Variants in CBLIF observed in about 807,000 individuals in gnomAD.
CBLIF encodes gastric intrinsic factor (vitamin B synthesis).
A neutral mutation model predicts 44.9 loss-of-function variants in CBLIF; 24 were observed. That is an observed-to-expected ratio of 0.53 (90% CI 0.39 to 0.75). The LOEUF (loss-of-function observed/expected upper bound fraction) is 0.75, where lower values mean the gene tolerates loss of function less well. Among genes scored for constraint, CBLIF ranks in the 30% least tolerant of loss-of-function variants. CBLIF has a pLI of 0.00. For missense variants in CBLIF, 481 were observed against 513.0 expected, an observed-to-expected ratio of 0.94 and a Z score of 0.60; for synonymous variants, 183 against 190.9, an observed-to-expected ratio of 0.96 and a Z score of 0.34.
rs1866577248 is a variant in CBLIF, at chr11:59,844,152, T to C, written c.80-97A>G. ...TGATGCTTTTTCTTTCTTTCTTTTT[T>C]TTTTGAGACAGTGTTACTCTTGTTG... On this transcript the variant is annotated intron_variant, in intron 1 of 8. Transcript: ENST00000257248. The C allele has an allele frequency of 4.9e-6, 5 of 1,024,712 alleles. No individual in the cohort carries two copies. In the South Asian group the frequency reaches 6.6e-5, roughly 14 times the overall value. The allele number at this position is 1,024,712 out of a possible 1,614,324, so 63.5% of individuals were successfully genotyped here.
chr11:59,837,969 G>A (rs111980735), intron 5 of CBLIF, among the ~76,000 whole-genome samples: 1,750 of 152,180 alleles, frequency 0.011, 28 homozygotes, highest in African/African-American at 0.04. Flanking sequence ...GCAAATAAAC[G>A]GTAAGCTGCT....
rs759872025 is a variant in CBLIF, at chr11:59,845,395, G to A, written c.59C>T (p.Thr20Ile). ...SLLWATAGTS[T>I]QTQSSCSVPS... Reference sequence around the variant, plus strand: ...CTCACAGCATGAACTCTGGGTCTGGGTACTAGTCCCAGCTGTAGCCCAGAG... The same window carrying A: ...CTCACAGCATGAACTCTGGGTCTGGATACTAGTCCCAGCTGTAGCCCAGAG... Residue 20 changes from threonine (T) to isoleucine (I), a missense_variant, in exon 1 of 9, where the codon ACC becomes ATC. Thr to Ile is a moderately conservative substitution (Grantham distance 89). Coordinates refer to ENST00000257248, the MANE Select transcript of CBLIF (RefSeq NM_005142.3). 1.3e-4 allele frequency: 204 copies of A among 1,611,662 alleles called. 3 individuals are homozygous for A. In the Admixed American group the frequency reaches 3.3e-3, roughly 26 times the overall value.
Position 59,837,342 on chromosome 11 carries a change from C to A in CBLIF, c.703G>T (p.Val235Leu), listed in dbSNP as rs149355084. 1 of 1,611,702 alleles carries A rather than the reference C, an allele frequency of 6.2e-7. No individual in the cohort carries two copies. Among genetic ancestry groups the A allele is most frequent in the African/African-American group, 1.3e-5 (1 of 74,928 alleles). ...STGLAMQALS[V>L]TPEPSKKEWN... ...TCCTTTTTAGATGGCTCAGGTGTTA[C>A]AGAGAGAGCCTGGGAAGGAAGACAG... Residue 235 changes from valine (V) to leucine (L), a missense_variant, in exon 6 of 9, where the codon GTA (valine) becomes TTA (leucine). Val to Leu is a conservative substitution (Grantham distance 32, BLOSUM62 1). Transcript: ENST00000257248.
chr11:59,842,491 C>A lies in CBLIF; in HGVS notation c.463G>T (p.Val155Phe), dbSNP rs1257466616. 1 of 1,613,810 alleles carries A rather than the reference C, an allele frequency of 6.2e-7. No individual in the cohort carries two copies. The highest frequency in any genetic ancestry group is 8.5e-7 in the Non-Finnish European group (1 of 1,180,010). The change falls in exon 4 of 9, where the codon GTC (valine) becomes TTC (phenylalanine). Residue 155 changes from valine (V) to phenylalanine (F), a missense_variant. Val to Phe is a conservative substitution (Grantham distance 50, BLOSUM62 -1). Transcript: ENST00000257248. ...KNSEATLPIAVRFAKTLLANS... is the reference protein window; with the variant it reads ...KNSEATLPIAFRFAKTLLANS... ...GCCAGCAGGGTCTTGGCAAAGCGGA[C>A]GGCTATCGGCAAGGTCGCCTCAGAG...
rs542364180 is a variant in CBLIF at position 59,840,005 on chromosome 11, G to A, written c.693+1138C>T. Among the ~76,000 whole-genome samples the A allele has an allele frequency of 1.5e-4, 23 of 152,034 alleles. 1 individual carries two copies. Among genetic ancestry groups the A allele is most frequent in the South Asian group, 1.0e-3 (5 of 4,820 alleles). On this transcript the variant is annotated intron_variant, in intron 5 of 8. Transcript: ENST00000257248. ...AATGTTCTTGTAAAATTCAGCCATG[G>A]AAAAAACAGGGTTTTGTTCTATGAC...
chr11:59,829,898 A>G (rs1466572550), intron 8 of CBLIF, among the ~76,000 whole-genome samples: 1 of 152,250 alleles, frequency 6.6e-6, no homozygotes, highest in African/African-American at 2.4e-5. Context: ...ACAGTACCTG[A>G]CACAGAATAA....
intron 7 of CBLIF, among the ~76,000 whole-genome samples, chr11:59,834,395 G>A (rs1241559901): frequency 3.8e-5 from 2 of 52,120 alleles, no homozygotes; most frequent in Non-Finnish European, 8.7e-5. Flanking sequence ...CCTTTTTTTT[G>A]TTTTTTTTTT....
intron 3 of CBLIF, 107 bp from the exon 4 acceptor site, chr11:59,842,690 G>T: frequency 1.8e-6 from 2 of 1,126,358 alleles, no homozygotes; most frequent in South Asian, 1.3e-5. Context: ...TAGAAAACCT[G>T]CCCCCAAAGA....
At position 59,843,870 on chromosome 11, in the gene CBLIF, A is replaced by T; in HGVS notation, c.256+9T>A. ...TTCAGGGAGAGTGCGAGCGGCTCAG[A>T]TGTCTCACCGTTGTTGTCGCTGGAC... is the stretch of plus-strand genomic sequence containing the variant. On this transcript the variant is annotated intron_variant, in intron 2 of 8. Coordinates refer to ENST00000257248, the MANE Select transcript of CBLIF (RefSeq NM_005142.3). 1 of 1,607,236 alleles carries T rather than the reference A, an allele frequency of 6.2e-7. No homozygotes were observed. The highest frequency in any genetic ancestry group is 1.1e-5 in the South Asian group (1 of 90,930).
At chr11:59,836,309 G>A (rs1193209856) in intron 6 of CBLIF, among the ~76,000 whole-genome samples, 1 of 151,980 alleles carries the variant, frequency 6.6e-6, no homozygotes, top group Non-Finnish European at 1.5e-5. Context: ...TGAGATAGAC[G>A]AGAAACTTAT....
rs1410696278 is a variant in CBLIF, at chr11:59,845,368, T to A, written c.79+7A>T. On this transcript the variant is annotated splice_region_variant and intron_variant, in intron 1 of 8. Coordinates refer to ENST00000257248, the MANE Select transcript of CBLIF (RefSeq NM_005142.3). ...CCCTGACCTCCTTGGAAAAACATCA[T>A]ACTCACAGCATGAACTCTGGGTCTG... 1 of 1,610,050 alleles carries A rather than the reference T, an allele frequency of 6.2e-7. No homozygotes were observed.
Position 59,836,005 on chromosome 11 carries a change from A to G in CBLIF, c.876T>C (p.His292=), listed in dbSNP as rs150113301. Residue 292 remains histidine (H), a synonymous_variant, in exon 7 of 9, where the codon CAT becomes CAC. Transcript: ENST00000257248. ...DVPQVTCSPD[H]EVQPTLPSNP... is the part of the protein sequence containing the mutation. ...TGCTGGGTAGAGTTGGTTGTACCTC[A>G]TGATCTGTGAAGGGCAAAGAGGCCA... 11 of 1,613,240 alleles carry G rather than the reference A, an allele frequency of 6.8e-6. No individual in the cohort carries two copies. In the African/African-American group the frequency reaches 1.5e-4, roughly 22 times the overall value.
At chr11:59,831,451 A>G (rs1866372507) in intron 8 of CBLIF, 1 of 197,368 alleles carries the variant, frequency 5.1e-6, no homozygotes, top group Non-Finnish European at 9.9e-6. Context: ...CGCTGCCTAC[A>G]GAATTAATCT....
At chr11:59,844,076 T>C (rs745437366) in intron 1 of CBLIF, 21 bp from the exon 2 acceptor site, 6 of 1,589,004 alleles carry the variant, frequency 3.8e-6, no homozygotes, top group South Asian at 1.1e-5. Flanking sequence ...GAAAGCCATT[T>C]ACTCACCTTC....
chr11:59,842,816 C>A (rs1866555691), intron 3 of CBLIF: 2 of 643,020 alleles, frequency 3.1e-6, no homozygotes, highest in East Asian at 2.7e-5. Context: ...GCTGGACAAG[C>A]TTGTGTCCTT....
chr11:59,841,315 G>T lies in CBLIF; in HGVS notation c.521C>A (p.Ala174Glu), dbSNP rs1866525405. 2 of 1,612,218 alleles carry T rather than the reference G, an allele frequency of 1.2e-6. No homozygotes were observed. The highest frequency in any genetic ancestry group is 1.7e-6 in the Non-Finnish European group (2 of 1,178,318). ...ACAGGTCAGAGCCAAGGTTGCCATT[G>T]CTCCTGTGTCTGTGAATGACAGAGG... ...NSSPFNVDTG[A>E]MATLALTCMY... is the part of the protein sequence containing the mutation. The change falls in exon 5 of 9, where the codon GCA (alanine) becomes GAA (glutamate). Residue 174 changes from alanine to glutamate, a missense_variant. By Grantham distance (107) the Ala-to-Glu change is moderately radical (BLOSUM62 -1). Coordinates refer to ENST00000257248, the MANE Select transcript of CBLIF (RefSeq NM_005142.3).
chr11:59,843,855 G>T (rs781155850), intron 2 of CBLIF, 24 bp downstream of exon 2: 3 of 1,581,054 alleles, frequency 1.9e-6, no homozygotes, highest in South Asian at 1.1e-5. Flanking sequence ...TTCAGGGAGA[G>T]TGCGAGCGGC....
In CBLIF at chr11:59,829,438, A is replaced by C; in HGVS notation, c.*46T>G. The C allele has an allele frequency of 8.2e-7, 1 of 1,219,972 alleles. No individual in the cohort carries two copies. The highest frequency in any genetic ancestry group is 1.2e-6 in the Non-Finnish European group (1 of 819,804). 75.6% of individuals were successfully genotyped at this position (1,219,972 alleles called of 1,614,324 possible). A position where few individuals can be genotyped will look rare whatever the true frequency, so the allele number is the denominator to read the frequency against. On this transcript the variant is annotated 3_prime_UTR_variant, in exon 9 of 9. Transcript: ENST00000257248. ...TTTAAAATGAAGTGGAAAAAATTTC[A>C]CCCATCCTTTGGAGATGTTTGATAG...
At chr11:59,839,549 C>G (rs1045516517) in intron 5 of CBLIF, among the ~76,000 whole-genome samples, 1 of 151,986 alleles carries the variant, frequency 6.6e-6, no homozygotes, top group Non-Finnish European at 1.5e-5. Context: ...TTCCAGAGCC[C>G]TTTGATTTTC....
Sources: allele counts gnomAD v4.1 joint callset (sites outside exome capture counted in the v4.1 genomes callset), GRCh38; gene constraint gnomAD v4.1.1; transcripts MANE v1.5; gene names NCBI Gene and HGNC (gene_info 2026-07-23, HGNC 2026-07-21).